Variants in RAD51B observed in about 807,000 individuals in gnomAD.
RAD51B encodes the protein DNA repair protein RAD51 homolog 2.
Under a neutral mutation model 42.2 loss-of-function variants are expected in RAD51B, and 38 were observed. The ratio of observed to expected loss-of-function variants is 0.90; its 90% CI spans 0.70 to 1.18. The LOEUF is 1.18. Ranked by LOEUF, RAD51B falls within the 50% of genes most tolerant of loss-of-function variation. The probability of loss-of-function intolerance (pLI) is 0.00; values close to 1 mark genes in which losing one functional copy is unlikely to be tolerated. For missense variants in RAD51B, 373 were observed against 400.7 expected, an observed-to-expected ratio of 0.93 and a Z score of 0.59; for synonymous variants, 154 against 145.2, an observed-to-expected ratio of 1.06 and a Z score of -0.43.
chr14:68,296,506 C>G (rs955745426), intron 8 of RAD51B, among the ~76,000 whole-genome samples: 1 of 152,208 alleles, frequency 6.6e-6, no homozygotes, highest in African/African-American at 2.4e-5. Flanking sequence ...GGTAACATCT[C>G]TTTCCCCCAG....
intron 7 of RAD51B, among the ~76,000 whole-genome samples, chr14:67,939,636 C>T (rs1235733578): frequency 6.6e-6 from 1 of 152,042 alleles, no homozygotes; most frequent in Non-Finnish European, 1.5e-5. Flanking sequence ...GATTAGGTAG[C>T]TCAAATAACA....
At chr14:67,865,535 C>CTTTTT (rs34247540) in intron 5 of RAD51B, among the ~76,000 whole-genome samples, 7 of 89,968 alleles carry the variant, frequency 7.8e-5, no homozygotes, top group Non-Finnish European at 1.1e-4. Context: ...CTGTGCCTGG[C>CTTTTT]TTTTTTTTTT....
chr14:68,465,992 A>AATT (rs2085977670), intron 9 of RAD51B, among the ~76,000 whole-genome samples: 1 of 149,536 alleles, frequency 6.7e-6, no homozygotes, highest in African/African-American at 2.5e-5. Flanking sequence ...ATAAATAAAT[A>AATT]AATTCACATT....
intron 3 of RAD51B, among the ~76,000 whole-genome samples, chr14:67,831,838 C>T (rs2041061845): frequency 6.6e-6 from 1 of 152,114 alleles, no homozygotes; most frequent in Admixed American, 6.6e-5. Context: ...GCCACCACAC[C>T]CAGCTGATTA....
At position 67,864,961 on chromosome 14, in the gene RAD51B, CTTTTTTTTTTTTTTT is replaced by C. The variant is rs745505141; in HGVS notation, c.316-17_316-3del. On this transcript the variant is annotated intron_variant, in intron 4 of 10. Transcript: ENST00000471583. ...TGGCTTGTGATGTTTATCTAAAAAA[CTTTTTTTTTTTTTTT>C]TTTTTTTTTTTTTTTTTTTTTTTTA... 1,005 of 645,024 alleles carry C rather than the reference CTTTTTTTTTTTTTTT, an allele frequency of 1.6e-3. 22 individuals carry two copies. The highest frequency in any genetic ancestry group is 6.3e-3 in the East Asian group (66 of 10,510). 40.0% of individuals were successfully genotyped at this position (645,024 alleles called of 1,614,324 possible).
intron 7 of RAD51B, among the ~76,000 whole-genome samples, chr14:68,213,901 A>G (rs904685901): frequency 6.6e-6 from 1 of 152,210 alleles, no homozygotes. Flanking sequence ...GAAAGAGTAG[A>G]TGCCATTGGT....
rs545431204 is a variant in RAD51B, at chr14:68,454,822, G to A, written c.958-13350G>A. Among the ~76,000 whole-genome samples, 52 of 152,266 alleles carry A rather than the reference G, an allele frequency of 3.4e-4. 1 individual carries two copies. Among genetic ancestry groups the A allele is most frequent in the East Asian group, 3.9e-4 (2 of 5,184 alleles). The stretch of plus-strand genomic sequence containing the variant: ...CATTACCAGGTAGTGCCAACAAGAG[G>A]CTGACCAAAAAATACAAAAGGAAAA... On this transcript the variant is annotated intron_variant, in intron 9 of 10. Transcript: ENST00000471583.
At chr14:68,366,340 T>G (rs905870446) in intron 8 of RAD51B, among the ~76,000 whole-genome samples, 2 of 152,178 alleles carry the variant, frequency 1.3e-5, no homozygotes, top group African/African-American at 4.8e-5. Flanking sequence ...ATGACAAAAG[T>G]GTACCAGTCG....
intron 10 of RAD51B, among the ~76,000 whole-genome samples, chr14:68,514,183 C>T (rs1885962259): frequency 6.6e-6 from 1 of 152,184 alleles, no homozygotes; most frequent in Non-Finnish European, 1.5e-5. Flanking sequence ...TACCGCGGAG[C>T]ACATTTCCAC....
At chr14:68,504,821 A>C (rs1368139869) in intron 10 of RAD51B, among the ~76,000 whole-genome samples, 1 of 149,096 alleles carries the variant, frequency 6.7e-6, no homozygotes, top group Non-Finnish European at 1.5e-5. Context: ...ACTGGAGCCC[A>C]ATCTACACAC....
intron 10 of RAD51B, among the ~76,000 whole-genome samples, chr14:68,509,520 T>A (rs1885575928): frequency 6.6e-6 from 1 of 152,242 alleles, no homozygotes; most frequent in Admixed American, 6.5e-5. Flanking sequence ...TCCTTCTTAT[T>A]GTCATTGCTT....
chr14:67,882,937 G>T (rs1235317089), intron 5 of RAD51B, among the ~76,000 whole-genome samples: 1 of 152,166 alleles, frequency 6.6e-6, no homozygotes, highest in Non-Finnish European at 1.5e-5. Flanking sequence ...TAGAGACGGG[G>T]TTTTGCCATG....
At chr14:68,659,239 C>T (rs982626049) in intron 11 of RAD51B, among the ~76,000 whole-genome samples, 1 of 152,206 alleles carries the variant, frequency 6.6e-6, no homozygotes, top group Non-Finnish European at 1.5e-5. Context: ...GCCCTGGGGC[C>T]GGCTGGGCCA....
At chr14:68,269,858 G>A (rs562684839) in intron 7 of RAD51B, among the ~76,000 whole-genome samples, 10 of 152,186 alleles carry the variant, frequency 6.6e-5, no homozygotes, top group East Asian at 1.9e-4. Context: ...TCTCTTTTGC[G>A]GAATCTGTAC....
At chr14:68,435,492 G>GTTTTTT (rs35536205) in intron 9 of RAD51B, among the ~76,000 whole-genome samples, 2 of 128,148 alleles carry the variant, frequency 1.6e-5, no homozygotes, top group Non-Finnish European at 3.3e-5. Context: ...GTGGTTTTTG[G>GTTTTTT]TTTTTTTTTT....
chr14:68,115,484 A>T (rs1595418766), intron 7 of RAD51B, among the ~76,000 whole-genome samples: 1 of 135,044 alleles, frequency 7.4e-6, no homozygotes, highest in African/African-American at 2.8e-5. Flanking sequence ...AGCATGGCAC[A>T]TGTATACATA....
At chr14:67,827,530 A>G (rs1184969622) in intron 3 of RAD51B, among the ~76,000 whole-genome samples, 1 of 151,594 alleles carries the variant, frequency 6.6e-6, no homozygotes, top group Non-Finnish European at 1.5e-5. Context: ...GGTTTGTTAC[A>G]TAGGTAAATG....
At chr14:68,074,134 CTCTCTCTT>C (rs1187211413) in intron 7 of RAD51B, among the ~76,000 whole-genome samples, 1 of 152,120 alleles carries the variant, frequency 6.6e-6, no homozygotes, top group Non-Finnish European at 1.5e-5. Flanking sequence ...AAGTTGCTTG[CTCTCTCTT>C]TCTCTCTTTC....
chr14:68,130,929 GT>G (rs1423778632), intron 7 of RAD51B, among the ~76,000 whole-genome samples: 1 of 151,904 alleles, frequency 6.6e-6, no homozygotes, highest in East Asian at 1.9e-4. Context: ...ACCAAATTTT[GT>G]TTTTTCATCC....
Sources: allele counts gnomAD v4.1 joint callset (sites outside exome capture counted in the v4.1 genomes callset), GRCh38; gene constraint gnomAD v4.1.1; transcripts MANE v1.5; gene names NCBI Gene and HGNC (gene_info 2026-07-23, HGNC 2026-07-21).